Variants in DCDC1 observed in about 807,000 individuals in gnomAD.
DCDC1 encodes doublecortin domain-containing protein 1.
A neutral mutation model predicts 178.3 loss-of-function variants in DCDC1; 200 were observed. The ratio of observed to expected loss-of-function variants is 1.12; its 90% CI spans 1.00 to 1.26. DCDC1 has a LOEUF of 1.26. Among genes scored for constraint, DCDC1 ranks in the 50% most tolerant of loss-of-function variants. The pLI, the probability that DCDC1 is intolerant of heterozygous loss-of-function variation, is 0.00. For synonymous variants in DCDC1, 690 were observed against 604.8 expected, an observed-to-expected ratio of 1.14 and a Z score of -2.07; for missense variants, 1,983 against 1,749.2, an observed-to-expected ratio of 1.13 and a Z score of -2.38.
chr11:30,865,458 T>C (rs1284223893), intron 38 of DCDC1, 126 bp from the exon 39 acceptor site: 1 of 153,290 alleles, frequency 6.5e-6, no homozygotes, highest in Non-Finnish European at 1.5e-5. Flanking sequence ...TTGAAAAAAT[T>C]ATCAGAATAG....
chr11:31,168,399 A>ATTTGATAT (rs1204254531), intron 9 of DCDC1, among the ~76,000 whole-genome samples: 1 of 152,172 alleles, frequency 6.6e-6, no homozygotes, highest in Non-Finnish European at 1.5e-5. Flanking sequence ...TCCAATAATT[A>ATTTGATAT]TTTGATATTT....
chr11:31,232,447 T>C (rs1929022), intron 9 of DCDC1, among the ~76,000 whole-genome samples: 148,345 of 152,234 alleles, frequency 0.97, 72,310 homozygotes, highest in East Asian at 1. Flanking sequence ...CTTAATTCTT[T>C]AACGCCAATT....
chr11:30,998,483 A>C (rs1170773204), intron 20 of DCDC1, among the ~76,000 whole-genome samples: 3 of 152,176 alleles, frequency 2.0e-5, no homozygotes, highest in African/African-American at 7.2e-5. Flanking sequence ...TATAAACAAT[A>C]AGTTTAATAA....
chr11:31,223,080 T>C (rs1056230495), intron 9 of DCDC1, among the ~76,000 whole-genome samples: 4 of 152,194 alleles, frequency 2.6e-5, no homozygotes, highest in African/African-American at 9.7e-5. Context: ...GGTACAATCA[T>C]TTTGAAAGAC....
chr11:31,097,053 C>CTA (rs1958210299), intron 15 of DCDC1, among the ~76,000 whole-genome samples: 12 of 152,340 alleles, frequency 7.9e-5, no homozygotes, highest in African/African-American at 2.9e-4. Flanking sequence ...TACTGAGAAT[C>CTA]AAAACAATTC....
rs1952205324 is a variant in DCDC1, at chr11:31,012,091, CAT to C, written c.2591+52376_2591+52377del. Among the ~76,000 whole-genome samples the C allele has an allele frequency of 5.9e-5, 9 of 152,294 alleles. 1 individual carries two copies. In the South Asian group the frequency reaches 1.9e-3, roughly 32 times the overall value. On this transcript the variant is annotated intron_variant, in intron 20 of 38. Coordinates refer to ENST00000684477, the MANE Select transcript of DCDC1 (RefSeq NM_001387274.1). The stretch of plus-strand genomic sequence containing the variant: ...TTCCTCCTGCTCCAGCCGTGTAAGA[CAT>C]GCGTCTTCCTCTTCACCTTCTGCCA...
chr11:31,334,766 T>C (rs2133156171), intron 2 of DCDC1, among the ~76,000 whole-genome samples: 1 of 152,270 alleles, frequency 6.6e-6, no homozygotes, highest in Non-Finnish European at 1.5e-5. Flanking sequence ...TGATCCTTCC[T>C]CTGGAAACTT....
chr11:30,933,569 T>C (rs1197723362), intron 21 of DCDC1, among the ~76,000 whole-genome samples: 1 of 152,182 alleles, frequency 6.6e-6, no homozygotes, highest in East Asian at 1.9e-4. Flanking sequence ...AATATTTTCT[T>C]TAAGATTTTT....
chr11:31,091,533 G>T, intron 16 of DCDC1, 22 bp from the exon 17 acceptor site: 2 of 725,342 alleles, frequency 2.8e-6, no homozygotes, highest in South Asian at 2.9e-5. Flanking sequence ...TAGAGAGGGG[G>T]AGAAAGGTCT....
At chr11:31,227,503 C>T (rs999980149) in intron 9 of DCDC1, among the ~76,000 whole-genome samples, 1 of 151,894 alleles carries the variant, frequency 6.6e-6, no homozygotes, top group African/African-American at 2.4e-5. Context: ...CAACATGACA[C>T]TTGGGGGGAA....
chr11:31,196,959 A>G (rs1043686526), intron 9 of DCDC1, among the ~76,000 whole-genome samples: 4 of 152,168 alleles, frequency 2.6e-5, no homozygotes, highest in African/African-American at 9.6e-5. Context: ...TAAGGATTTT[A>G]GAAACTCCTG....
chr11:31,079,059 G>C (rs924357120), intron 17 of DCDC1, among the ~76,000 whole-genome samples: 1 of 152,150 alleles, frequency 6.6e-6, no homozygotes, highest in African/African-American at 2.4e-5. Context: ...AGTGATAGAA[G>C]CATCTTTTGT....
chr11:31,126,094 C>T (rs115736469), intron 11 of DCDC1, among the ~76,000 whole-genome samples: 1 of 151,864 alleles, frequency 6.6e-6, no homozygotes, highest in African/African-American at 2.4e-5. Flanking sequence ...CTTTTTTTCC[C>T]CAAGTCACAC....
intron 9 of DCDC1, among the ~76,000 whole-genome samples, chr11:31,195,205 C>T (rs562681360): frequency 6.6e-6 from 1 of 152,138 alleles, no homozygotes; most frequent in Non-Finnish European, 1.5e-5. Flanking sequence ...TGTGATATAG[C>T]GAAGAGTGGA....
chr11:30,905,237 A>C (rs1944979410), intron 30 of DCDC1, 73 bp from the exon 31 acceptor site: 29 of 1,451,912 alleles, frequency 2.0e-5, no homozygotes, highest in Non-Finnish European at 2.6e-5. Flanking sequence ...TTAGTCTCTT[A>C]ATAAATGTGT....
intron 17 of DCDC1, among the ~76,000 whole-genome samples, chr11:31,083,354 A>G (rs890851849): frequency 3.0e-4 from 45 of 152,208 alleles, no homozygotes; most frequent in African/African-American, 1.0e-3. Flanking sequence ...CAGACTAAAG[A>G]TAGAAAAGAG....
At chr11:30,967,999 G>C (rs1251274547) in intron 20 of DCDC1, among the ~76,000 whole-genome samples, 2 of 152,210 alleles carry the variant, frequency 1.3e-5, no homozygotes, top group Admixed American at 1.3e-4. Flanking sequence ...GAAATAACAA[G>C]GATGCTTTGT....
At chr11:31,333,154 T>C (rs1265966916) in intron 2 of DCDC1, among the ~76,000 whole-genome samples, 1 of 152,208 alleles carries the variant, frequency 6.6e-6, no homozygotes, top group East Asian at 1.9e-4. Context: ...TTTGTCTCTT[T>C]TGATCTTTGT....
At chr11:31,352,484 A>G (rs531031493) in intron 1 of DCDC1, among the ~76,000 whole-genome samples, 2 of 152,310 alleles carry the variant, frequency 1.3e-5, no homozygotes, top group Admixed American at 1.3e-4. Flanking sequence ...TTAGCAACGT[A>G]AGAGCTTTCG....
Sources: allele counts gnomAD v4.1 joint callset (sites outside exome capture counted in the v4.1 genomes callset), GRCh38; gene constraint gnomAD v4.1.1; transcripts MANE v1.5; gene names NCBI Gene and HGNC (gene_info 2026-07-23, HGNC 2026-07-21).